Variants in ST7 observed in about 807,000 individuals in gnomAD.
ST7 encodes suppressor of tumorigenicity 7 protein.
Under a neutral mutation model 78.7 loss-of-function variants are expected in ST7, and 28 were observed. That is an observed-to-expected ratio of 0.36 (90% CI 0.26 to 0.49). The LOEUF is 0.49. Ranked by LOEUF, ST7 falls within the 20% of genes least tolerant of loss-of-function variation. ST7 has a pLI of 0.99. For missense variants in ST7, 418 were observed against 696.0 expected (o/e 0.60, Z 4.49); for synonymous variants, 247 against 249.6 (o/e 0.99, Z 0.10).
At chr7:116,956,332 T>G in intron 1 of ST7, 1 of 374,034 alleles carries the variant, frequency 2.7e-6, no homozygotes, top group Non-Finnish European at 5.5e-6. Context: ...CCAGCACCCC[T>G]GAGAGGGGAG....
At chr7:117,080,603 A>G (rs911017653) in intron 1 of ST7, among the ~76,000 whole-genome samples, 1 of 152,110 alleles carries the variant, frequency 6.6e-6, no homozygotes, top group Non-Finnish European at 1.5e-5. Flanking sequence ...GTGTGTAGTG[A>G]TTTTTAAAGA....
intron 1 of ST7, among the ~76,000 whole-genome samples, chr7:117,073,333 A>G (rs889885499): frequency 6.6e-6 from 1 of 152,236 alleles, no homozygotes; most frequent in Admixed American, 6.5e-5. Flanking sequence ...AGTATATTAC[A>G]TAATATGTTA....
At chr7:117,050,047 A>C (rs28875777) in intron 1 of ST7, among the ~76,000 whole-genome samples, 52 of 113,838 alleles carry the variant, frequency 4.6e-4, no homozygotes, top group African/African-American at 1.5e-3. Flanking sequence ...TCTACTAAAA[A>C]TACAAAAAAA....
At chr7:117,026,343 C>T (rs1796181427) in intron 1 of ST7, among the ~76,000 whole-genome samples, 2 of 151,918 alleles carry the variant, frequency 1.3e-5, no homozygotes, top group Non-Finnish European at 2.9e-5. Flanking sequence ...ATTTTTTATT[C>T]CTTTTTGAAG....
intron 9 of ST7, among the ~76,000 whole-genome samples, chr7:117,149,841 T>C (rs1024612472): frequency 1.3e-5 from 2 of 152,150 alleles, no homozygotes; most frequent in African/African-American, 2.4e-5. Flanking sequence ...TGTTTCTATC[T>C]AGGGATGATT....
intron 1 of ST7, among the ~76,000 whole-genome samples, chr7:116,973,229 G>A (rs1251385647): frequency 6.6e-6 from 1 of 151,796 alleles, no homozygotes; most frequent in Non-Finnish European, 1.5e-5. Context: ...CTCATCTTGT[G>A]TATTTCTTGT....
At chr7:116,958,762 G>T in intron 1 of ST7, 1 of 450,248 alleles carries the variant, frequency 2.2e-6, no homozygotes. Flanking sequence ...TATTAAGAGT[G>T]CAGTAGCATT....
intron 9 of ST7, among the ~76,000 whole-genome samples, chr7:117,167,992 A>T (rs1345452361): frequency 6.6e-6 from 1 of 152,166 alleles, no homozygotes; most frequent in African/African-American, 2.4e-5. Context: ...CTTTTCTCTA[A>T]GATAGCTTGT....
At chr7:117,060,775 G>A (rs1482571929) in intron 1 of ST7, among the ~76,000 whole-genome samples, 1 of 152,120 alleles carries the variant, frequency 6.6e-6, no homozygotes, top group Non-Finnish European at 1.5e-5. Context: ...GGAGGCTGAG[G>A]TGGATGGATC....
At chr7:117,000,860 T>C (rs1794904192) in intron 1 of ST7, among the ~76,000 whole-genome samples, 1 of 152,214 alleles carries the variant, frequency 6.6e-6, no homozygotes, top group Non-Finnish European at 1.5e-5. Context: ...TTGCTGGATC[T>C]TTTTGATGGT....
chr7:117,205,266 T>C (rs1584598629), intron 12 of ST7, among the ~76,000 whole-genome samples: 2 of 152,238 alleles, frequency 1.3e-5, no homozygotes, highest in South Asian at 4.1e-4. Context: ...CATTGATTTT[T>C]TTCCATTTAG....
chr7:117,128,117 C>G (rs1400311565), intron 3 of ST7, among the ~76,000 whole-genome samples: 1 of 151,860 alleles, frequency 6.6e-6, no homozygotes, highest in African/African-American at 2.4e-5. Context: ...CACGAGGATC[C>G]TTATCCATAA....
chr7:116,982,941 C>G (rs926598662), intron 1 of ST7, among the ~76,000 whole-genome samples: 1 of 151,952 alleles, frequency 6.6e-6, no homozygotes, highest in Non-Finnish European at 1.5e-5. Flanking sequence ...TCTTGTTGCC[C>G]AGGCTGGAGT....
intron 1 of ST7, among the ~76,000 whole-genome samples, chr7:117,056,094 CCA>C (rs1274399746): frequency 6.6e-6 from 1 of 151,996 alleles, no homozygotes; most frequent in African/African-American, 2.4e-5. Context: ...TAGATTGTAC[CCA>C]CCAGATTAAG....
intron 1 of ST7, among the ~76,000 whole-genome samples, chr7:116,963,171 G>C (rs1033833279): frequency 6.6e-6 from 1 of 152,112 alleles, no homozygotes; most frequent in African/African-American, 2.4e-5. Flanking sequence ...GCAAGATAAT[G>C]GGTTATTGGA....
At chr7:117,149,379 TATCACTGTCCC>T (rs1806064195) in intron 9 of ST7, among the ~76,000 whole-genome samples, 1 of 152,168 alleles carries the variant, frequency 6.6e-6, no homozygotes, top group Non-Finnish European at 1.5e-5. Context: ...CAGCTTAATG[TATCACTGTCCC>T]ATTTTCCACT....
chr7:117,079,968 CTTTTTTTT>C (rs34326752), intron 1 of ST7, among the ~76,000 whole-genome samples: 49 of 65,432 alleles, frequency 7.5e-4, no homozygotes, highest in African/African-American at 2.1e-3. Context: ...TTTGTCATTC[CTTTTTTTT>C]TTTTTTTTTT....
chr7:117,110,523 C>T (rs1349612317), intron 2 of ST7, among the ~76,000 whole-genome samples: 1 of 152,218 alleles, frequency 6.6e-6, no homozygotes, highest in Non-Finnish European at 1.5e-5. Context: ...TGCCTTCAGT[C>T]ACACAGCTAG....
At chr7:117,173,263 G>T (rs766633608) in intron 10 of ST7, 3 of 152,172 alleles carry the variant, frequency 2.0e-5, no homozygotes, top group Non-Finnish European at 4.4e-5. Flanking sequence ...GAGATGCCTC[G>T]TTAGGGGTTT....
Sources: allele counts gnomAD v4.1 joint callset (sites outside exome capture counted in the v4.1 genomes callset), GRCh38; gene constraint gnomAD v4.1.1; transcripts MANE v1.5; gene names NCBI Gene and HGNC (gene_info 2026-07-23, HGNC 2026-07-21).